PTPRG: variants seen among roughly 807,000 people sequenced by gnomAD.
PTPRG encodes the protein protein tyrosine phosphatase receptor type G, also known as receptor-type tyrosine-protein phosphatase gamma.
In PTPRG, 102 loss-of-function variants were observed where a neutral mutation model predicts 165.3. That is an observed-to-expected ratio of 0.62 (90% CI 0.53 to 0.73). The LOEUF is 0.73. PTPRG is among the 30% of genes least tolerant of loss of function. The pLI, the probability that PTPRG is intolerant of heterozygous loss-of-function variation, is 0.00. For missense variants in PTPRG, 1,866 were observed against 1,861.4 expected (o/e 1.00, Z -0.05); for synonymous variants, 675 against 669.5 (o/e 1.01, Z -0.13).
chr3:61,968,426 C>G (rs1371347145), intron 2 of PTPRG, among the ~76,000 whole-genome samples: 3 of 152,060 alleles, frequency 2.0e-5, no homozygotes, highest in Non-Finnish European at 4.4e-5. Flanking sequence ...CATAACTGTT[C>G]CTTTGCTGAG....
In PTPRG at chr3:62,219,045, C is replaced by A; in HGVS notation, c.2288+62C>A. The A allele has an allele frequency of 2.5e-6, 4 of 1,587,642 alleles. No homozygotes were observed. The highest frequency in any genetic ancestry group is 3.4e-6 in the Non-Finnish European group (4 of 1,165,204). The stretch of plus-strand genomic sequence containing the variant: ...CCAGATGCTGGCCAGGTTTTGCTCA[C>A]GGGAGGGGAATCCCACGGCCTCTGC... On this transcript the variant is annotated intron_variant, in intron 13 of 29. Coordinates refer to ENST00000474889, the MANE Select transcript of PTPRG (RefSeq NM_002841.4). This position sits in a 1 kb window ranked among gnomAD's most constrained non-coding sequence, Gnocchi z 4.5.
Position 62,228,721 on chromosome 3 carries a change from A to G in PTPRG, c.2289-2504A>G, listed in dbSNP as rs936855809. ...CAGATTCTTTTCTGGAAGATTCTAC[A>G]TGTACAAAGTACAAAGGCACTGGGT... On this transcript the variant is annotated intron_variant, in intron 13 of 29. Transcript: ENST00000474889. The surrounding 1 kb of genome is among the most constrained non-coding windows in gnomAD (Gnocchi z 4.1). 1.3e-5 allele frequency among the ~76,000 whole-genome samples: 2 copies of G among 152,190 alleles called. No individual in the cohort carries two copies. Among genetic ancestry groups the G allele is most frequent in the Admixed American group, 6.5e-5 (1 of 15,278 alleles).
intron 1 of PTPRG, among the ~76,000 whole-genome samples, chr3:61,646,530 C>T (rs564916905): frequency 6.6e-6 from 1 of 152,268 alleles, no homozygotes; most frequent in Non-Finnish European, 1.5e-5. Flanking sequence ...GTACCCTTTC[C>T]CCAGCCTCCC....
intron 1 of PTPRG, among the ~76,000 whole-genome samples, chr3:61,685,118 G>A (rs1337138222): frequency 6.6e-6 from 1 of 152,114 alleles, no homozygotes; most frequent in African/African-American, 2.4e-5. Flanking sequence ...TCCCTCATCT[G>A]GTGGTTATGA....
intron 1 of PTPRG, among the ~76,000 whole-genome samples, chr3:61,727,497 T>C (rs1474515040): frequency 9.2e-5 from 14 of 152,166 alleles, no homozygotes; most frequent in Admixed American, 9.2e-4. Flanking sequence ...ACAAAATGAA[T>C]ACATGTCAAA....
At chr3:61,645,291 C>G (rs186286827) in intron 1 of PTPRG, among the ~76,000 whole-genome samples, 1 of 152,230 alleles carries the variant, frequency 6.6e-6, no homozygotes, top group Non-Finnish European at 1.5e-5. Context: ...GTCCACACCC[C>G]GCATTCCTTT....
chr3:61,770,276 A>G (rs1427314266), intron 2 of PTPRG: 11 of 152,174 alleles, frequency 7.2e-5, no homozygotes, highest in Admixed American at 7.2e-4. Context: ...GTGAATGAAT[A>G]ATTTAGGGAT....
intron 2 of PTPRG, among the ~76,000 whole-genome samples, chr3:61,945,900 G>A (rs989215814): frequency 2.0e-5 from 3 of 152,216 alleles, no homozygotes; most frequent in African/African-American, 7.2e-5. Flanking sequence ...ACGAAACACA[G>A]AGACGTGAAG....
intron 2 of PTPRG, among the ~76,000 whole-genome samples, chr3:61,784,227 C>A (rs1049720450): frequency 5.3e-5 from 8 of 152,128 alleles, no homozygotes; most frequent in Non-Finnish European, 1.0e-4. Context: ...CCATCCTATT[C>A]CCAGCAGCTG....
intron 5 of PTPRG, among the ~76,000 whole-genome samples, chr3:62,125,756 C>G (rs1703267098): frequency 6.6e-6 from 1 of 150,446 alleles, no homozygotes; most frequent in African/African-American, 2.5e-5. Flanking sequence ...GCTTAAGACT[C>G]TAGGTCATGC....
At chr3:62,183,855 T>A (rs1705762536) in intron 8 of PTPRG, among the ~76,000 whole-genome samples, 1 of 152,164 alleles carries the variant, frequency 6.6e-6, no homozygotes, top group Non-Finnish European at 1.5e-5. Flanking sequence ...GGAAGGAAGC[T>A]TTTTACCTGC....
At chr3:61,705,504 G>A (rs1223808808) in intron 1 of PTPRG, among the ~76,000 whole-genome samples, 1 of 150,282 alleles carries the variant, frequency 6.7e-6, no homozygotes, top group Non-Finnish European at 1.5e-5. Flanking sequence ...CAATAGAGAT[G>A]TTTAAAGAAA....
chr3:61,657,241 G>A (rs544222147), intron 1 of PTPRG, among the ~76,000 whole-genome samples: 1 of 152,084 alleles, frequency 6.6e-6, no homozygotes, highest in South Asian at 2.1e-4. Flanking sequence ...AAATAAGGAC[G>A]TTCCTTTCCT....
intron 2 of PTPRG, among the ~76,000 whole-genome samples, chr3:61,917,521 G>A (rs760341776): frequency 2.6e-5 from 4 of 151,788 alleles, no homozygotes; most frequent in East Asian, 1.9e-4. Context: ...TCACACAGGC[G>A]TTATCTTAAT....
chr3:62,203,468 C>G lies in PTPRG; in HGVS notation c.1673C>G (p.Ala558Gly), dbSNP rs564162806. Residue 558 changes from alanine to glycine, a missense_variant, in exon 12 of 30, where the codon GCC becomes GGC. Physicochemically the swap from Ala to Gly is moderately conservative, Grantham distance 60. This residue lies in a region of PTPRG where 1,452 missense variants were observed against 1,463.0 expected (regional missense o/e 0.99). Coordinates refer to ENST00000474889, the MANE Select transcript of PTPRG (RefSeq NM_002841.4). The surrounding 1 kb of genome is among the most constrained non-coding windows in gnomAD (Gnocchi z 6.4). The part of the protein sequence containing the change: ...AARPVLATTE[A>G]LASPGPDGDS... ...AGGCCAGTCCTAGCCACCACAGAGGCCTTGGCTTCTCCAGGGCCCGATGGT... is the reference window on the plus strand; with the variant it reads ...AGGCCAGTCCTAGCCACCACAGAGGGCTTGGCTTCTCCAGGGCCCGATGGT... The G allele has an allele frequency of 3.2e-5, 51 of 1,582,042 alleles. No individual in the cohort carries two copies. The East Asian group carries it at 9.6e-4, about 30-fold the overall frequency.
At chr3:61,609,622 C>A (rs998370004) in intron 1 of PTPRG, among the ~76,000 whole-genome samples, 1 of 151,998 alleles carries the variant, frequency 6.6e-6, no homozygotes, top group Non-Finnish European at 1.5e-5. Context: ...TTCGTGAGGC[C>A]GAGTTGGGTG....
rs1704315800 is a variant in PTPRG at position 62,151,019 on chromosome 3, A to G, written c.683-6048A>G. ...AAAATATTAGGCTATTAACATACCA[A>G]GAAATGCAATCAATCAGCTGATTAT... is the stretch of plus-strand genomic sequence containing the variant. On this transcript the variant is annotated intron_variant, in intron 6 of 29. Transcript: ENST00000474889. 2.0e-5 allele frequency among the ~76,000 whole-genome samples: 3 copies of G among 152,252 alleles called. No individual in the cohort carries two copies. The South Asian group carries it at 6.2e-4, about 32-fold the overall frequency.
intron 4 of PTPRG, among the ~76,000 whole-genome samples, chr3:62,074,810 A>C (rs576352086): frequency 3.3e-5 from 5 of 152,154 alleles, no homozygotes; most frequent in Admixed American, 3.3e-4. Flanking sequence ...CTCTGGGCAC[A>C]GTTCATTTTG....
chr3:62,091,370 G>A (rs1417554200), intron 5 of PTPRG, among the ~76,000 whole-genome samples: 2 of 152,220 alleles, frequency 1.3e-5, no homozygotes, highest in African/African-American at 4.8e-5. Flanking sequence ...CTACTTTAAA[G>A]AGGAGCTAAA....
Sources: gnomAD v4.1 joint callset for allele counts (sites outside exome capture counted in the v4.1 genomes callset) on GRCh38, gnomAD v4.1.1 for gene constraint, gnomAD v4.1.1 regional missense constraint, Gnocchi (gnomAD v3.1) non-coding constraint, MANE v1.5 for transcripts, NCBI Gene and HGNC (gene_info 2026-07-23, HGNC 2026-07-21) for gene names.